COMMD10: variants seen among roughly 807,000 people sequenced by gnomAD.
COMMD10 encodes COMM domain containing 10, also known as COMM domain-containing protein 10.
COMMD10 carries 33 observed loss-of-function variants against 28.9 expected under a neutral mutation model. The ratio of observed to expected loss-of-function variants is 1.14; its 90% CI spans 0.87 to 1.53. The LOEUF (loss-of-function observed/expected upper bound fraction) is 1.53. COMMD10 is among the 40% of genes most tolerant of loss of function. The pLI, the probability that COMMD10 is intolerant of heterozygous loss-of-function variation, is 0.00. For synonymous variants in COMMD10, 110 were observed against 81.7 expected, an observed-to-expected ratio of 1.35 and a Z score of -1.87; for missense variants, 310 against 233.4, an observed-to-expected ratio of 1.33 and a Z score of -2.14.
chr5:116,248,147 T>C (rs867896842), intron 5 of COMMD10, among the ~76,000 whole-genome samples: 33 of 146,006 alleles, frequency 2.3e-4, no homozygotes, highest in African/African-American at 8.1e-4. Flanking sequence ...AAAAAAAAAA[T>C]AACTGAGCAT....
At chr5:116,266,979 C>T (rs1341351934) in intron 5 of COMMD10, among the ~76,000 whole-genome samples, 1 of 151,898 alleles carries the variant, frequency 6.6e-6, no homozygotes, top group Non-Finnish European at 1.5e-5. Flanking sequence ...GACAGACCCA[C>T]AGCCAATATC....
At chr5:116,161,599 A>G (rs1182423490) in intron 5 of COMMD10, among the ~76,000 whole-genome samples, 2 of 152,164 alleles carry the variant, frequency 1.3e-5, no homozygotes, top group Non-Finnish European at 2.9e-5. Context: ...ATTATGTACT[A>G]TATTTTAGCA....
chr5:116,104,470 G>A (rs1377417832), intron 4 of COMMD10, among the ~76,000 whole-genome samples: 1 of 152,148 alleles, frequency 6.6e-6, no homozygotes, highest in Non-Finnish European at 1.5e-5. Context: ...GTATAGGGAT[G>A]CTTGTGATTT....
intron 5 of COMMD10, among the ~76,000 whole-genome samples, chr5:116,267,567 C>A (rs555362856): frequency 2.1e-4 from 32 of 151,804 alleles, no homozygotes; most frequent in South Asian, 6.2e-4. Context: ...CAAGCTACCA[C>A]TGACTTTCTT....
At chr5:116,184,841 G>T (rs1489801643) in intron 5 of COMMD10, among the ~76,000 whole-genome samples, 1 of 152,030 alleles carries the variant, frequency 6.6e-6, no homozygotes, top group Non-Finnish European at 1.5e-5. Flanking sequence ...ATGAATCTTG[G>T]AGGCAATGTA....
chr5:116,095,171 G>A lies in COMMD10; in HGVS notation c.399+2471G>A, dbSNP rs114822306. Among the ~76,000 whole-genome samples, 1,328 of 152,276 alleles carry A rather than the reference G, an allele frequency of 8.7e-3. 11 individuals are homozygous for A. The highest frequency in any genetic ancestry group is 0.027 in the Middle Eastern group (8 of 294). ...TCATTTCAAAATAGCTAGAATTAAGGAAGTGAACTGTTCTGAACACACACA... is the reference window on the plus strand; with the variant it reads ...TCATTTCAAAATAGCTAGAATTAAGAAAGTGAACTGTTCTGAACACACACA... On this transcript the variant is annotated intron_variant, in intron 4 of 6. Transcript: ENST00000274458.
chr5:116,169,665 G>A (rs1011889124), intron 5 of COMMD10, among the ~76,000 whole-genome samples: 1 of 152,162 alleles, frequency 6.6e-6, no homozygotes, highest in Non-Finnish European at 1.5e-5. Context: ...TCATCCCTGG[G>A]ATGCAAGGCT....
chr5:116,086,948 G>T (rs1401642152), intron 1 of COMMD10, among the ~76,000 whole-genome samples: 3 of 152,238 alleles, frequency 2.0e-5, no homozygotes, highest in African/African-American at 7.2e-5. Context: ...CTGCACTCCA[G>T]CCTGGGTGAC....
At chr5:116,164,443 G>A (rs1030194235) in intron 5 of COMMD10, among the ~76,000 whole-genome samples, 5 of 152,162 alleles carry the variant, frequency 3.3e-5, no homozygotes, top group Admixed American at 3.3e-4. Flanking sequence ...CAAAGGTTAG[G>A]TAATTCTATA....
chr5:116,113,350 A>T (rs1751121318), intron 4 of COMMD10, among the ~76,000 whole-genome samples: 1 of 128,318 alleles, frequency 7.8e-6, no homozygotes, highest in Admixed American at 8.3e-5. Flanking sequence ...TTATGTCTGT[A>T]TCTCTTGCTA....
intron 5 of COMMD10, among the ~76,000 whole-genome samples, chr5:116,198,063 T>C (rs1166376418): frequency 1.3e-5 from 2 of 152,200 alleles, no homozygotes; most frequent in African/African-American, 2.4e-5. Flanking sequence ...TATACACACT[T>C]CACACATAAT....
chr5:116,164,299 C>G (rs112508402), intron 5 of COMMD10, among the ~76,000 whole-genome samples: 53 of 150,468 alleles, frequency 3.5e-4, no homozygotes, highest in African/African-American at 1.3e-3. Flanking sequence ...CCAGCCTGGG[C>G]AACACAGTGA....
intron 5 of COMMD10, among the ~76,000 whole-genome samples, chr5:116,163,443 A>AT (rs1752986415): frequency 6.7e-6 from 1 of 149,636 alleles, no homozygotes; most frequent in Non-Finnish European, 1.5e-5. Flanking sequence ...AAAAAAAAAA[A>AT]GCCAGGCTTG....
intron 5 of COMMD10, among the ~76,000 whole-genome samples, chr5:116,213,991 T>G (rs79850235): frequency 1.5e-3 from 230 of 152,268 alleles, no homozygotes; most frequent in Non-Finnish European, 2.3e-3. Flanking sequence ...GAAATCCTGC[T>G]TTTATGAAAA....
At chr5:116,277,575 C>G (rs1750953516) in intron 5 of COMMD10, among the ~76,000 whole-genome samples, 1 of 151,918 alleles carries the variant, frequency 6.6e-6, no homozygotes, top group Admixed American at 6.6e-5. Context: ...TATTATGCTG[C>G]AGTTTACAAT....
At chr5:116,164,282 C>G (rs764495544) in intron 5 of COMMD10, among the ~76,000 whole-genome samples, 5 of 151,892 alleles carry the variant, frequency 3.3e-5, no homozygotes, top group Non-Finnish European at 7.4e-5. Flanking sequence ...GATTGGGCCA[C>G]TGCACTCCAG....
chr5:116,232,975 C>T (rs750034490), intron 5 of COMMD10, among the ~76,000 whole-genome samples: 7 of 152,240 alleles, frequency 4.6e-5, no homozygotes, highest in Admixed American at 3.9e-4. Context: ...TAAAAGGATT[C>T]GTCAATTCCG....
At chr5:116,123,971 A>G (rs1407467811) in intron 4 of COMMD10, among the ~76,000 whole-genome samples, 1 of 150,996 alleles carries the variant, frequency 6.6e-6, no homozygotes, top group Non-Finnish European at 1.5e-5. Context: ...CTTCTTTATT[A>G]ATCTTGCCAG....
At chr5:116,217,562 C>T (rs188917655) in intron 5 of COMMD10, among the ~76,000 whole-genome samples, 28 of 152,286 alleles carry the variant, frequency 1.8e-4, no homozygotes, top group Admixed American at 1.8e-3. Flanking sequence ...GGTGCCATCT[C>T]AGTGGCATCC....
Sources: gnomAD v4.1 joint callset for allele counts (sites outside exome capture counted in the v4.1 genomes callset) on GRCh38, gnomAD v4.1.1 for gene constraint, MANE v1.5 for transcripts, NCBI Gene and HGNC (gene_info 2026-07-23, HGNC 2026-07-21) for gene names.